Variants in LARGE1 observed in about 807,000 individuals in gnomAD.
LARGE1 encodes the protein LARGE xylosyl- and glucuronyltransferase 1.
In LARGE1, 43 loss-of-function variants were observed where a neutral mutation model predicts 87.6. That is an observed-to-expected ratio of 0.49 (90% CI 0.38 to 0.63). The LOEUF is 0.63. LARGE1 is among the 30% of genes least tolerant of loss of function. The pLI is 0.00. For missense variants in LARGE1, 802 were observed against 1,000.2 expected (o/e 0.80, Z 2.67); for synonymous variants, 434 against 394.6 (o/e 1.10, Z -1.18).
At chr22:33,223,449 G>A (rs1377768868) in intron 11 of LARGE1, among the ~76,000 whole-genome samples, 1 of 152,162 alleles carries the variant, frequency 6.6e-6, no homozygotes, top group Non-Finnish European at 1.5e-5. Context: ...GGCTGATTGG[G>A]ATAGAACCAG....
At chr22:33,784,516 C>T (rs1286387696) in intron 1 of LARGE1, among the ~76,000 whole-genome samples, 1 of 152,044 alleles carries the variant, frequency 6.6e-6, no homozygotes, top group African/African-American at 2.4e-5. Flanking sequence ...TTTGAGGGAA[C>T]AAAAATGGAA....
intron 2 of LARGE1, among the ~76,000 whole-genome samples, chr22:33,736,760 C>T (rs1413864671): frequency 2.0e-5 from 3 of 152,190 alleles, no homozygotes; most frequent in Non-Finnish European, 4.4e-5. Flanking sequence ...AATCTCACAG[C>T]TTTAGCTCTG....
At position 33,216,597 on chromosome 22, in the gene LARGE1, C is replaced by CAAA. The variant is rs71673655; in HGVS notation, c.1731-49768_1731-49766dup. 4.9e-3 allele frequency among the ~76,000 whole-genome samples: 601 copies of CAAA among 122,570 alleles called. 14 individuals carry two copies. The highest frequency in any genetic ancestry group is 0.017 in the African/African-American group (545 of 31,752). 80.4% of individuals were successfully genotyped at this position (122,570 alleles called of 152,430 possible). On this transcript the variant is annotated intron_variant, in intron 11 of 11. Transcript: ENST00000608642. Reference sequence around the variant, plus strand: ...TGGGCGACAGCGTGACACTCCATCTCAAAAAAAAAAAAAAAGAAAAGAAAA... The same window carrying CAAA: ...TGGGCGACAGCGTGACACTCCATCTCAAAAAAAAAAAAAAAAAAGAAAAGAAAA...
At chr22:33,232,561 T>C (rs1455851415) in intron 11 of LARGE1, among the ~76,000 whole-genome samples, 1 of 152,220 alleles carries the variant, frequency 6.6e-6, no homozygotes, top group African/African-American at 2.4e-5. Context: ...TTAAAATAAG[T>C]ATTTTCTTCC....
chr22:33,784,900 GTATAT>G (rs146608642), intron 1 of LARGE1, among the ~76,000 whole-genome samples: 11,832 of 145,258 alleles, frequency 0.081, 565 homozygotes, highest in South Asian at 0.22. Flanking sequence ...TATATATACT[GTATAT>G]TATATGTGTG....
intron 3 of LARGE1, among the ~76,000 whole-genome samples, chr22:33,639,959 C>G (rs1251222747): frequency 1.3e-5 from 2 of 152,186 alleles, no homozygotes; most frequent in Admixed American, 6.5e-5. Context: ...TTCCTATCAC[C>G]AGATAGCTCA....
chr22:33,863,794 G>C (rs1284121944), intron 1 of LARGE1, among the ~76,000 whole-genome samples: 3 of 151,692 alleles, frequency 2.0e-5, no homozygotes. Context: ...AAAGGAGATA[G>C]GAGTACTTTT....
At chr22:33,296,134 A>T (rs1458659797) in intron 12 of LARGE1, among the ~76,000 whole-genome samples, 1 of 152,208 alleles carries the variant, frequency 6.6e-6, no homozygotes, top group Non-Finnish European at 1.5e-5. Context: ...TAATAGCTAA[A>T]CGTTGTAGAG....
chr22:33,154,180 A>AC, the LARGE1 span, among the ~76,000 whole-genome samples: 260 of 152,158 alleles, frequency 1.7e-3, 2 homozygotes, highest in African/African-American at 5.7e-3. Flanking sequence ...AAAAAAAAAA[A>AC]AAAGTAAACT....
At chr22:33,499,782 T>C (rs890738508) in intron 6 of LARGE1, among the ~76,000 whole-genome samples, 4 of 152,204 alleles carry the variant, frequency 2.6e-5, no homozygotes, top group Non-Finnish European at 4.4e-5. Flanking sequence ...TGTAAATTTT[T>C]TCTTTTTTGA....
At chr22:33,246,416 G>A (rs1176890855) in intron 11 of LARGE1, among the ~76,000 whole-genome samples, 2 of 152,092 alleles carry the variant, frequency 1.3e-5, no homozygotes, top group South Asian at 2.1e-4. Flanking sequence ...GAGGCTGAGC[G>A]GGATGGATCA....
intron 2 of LARGE1, among the ~76,000 whole-genome samples, chr22:33,700,837 T>C (rs2082385718): frequency 6.6e-6 from 1 of 152,110 alleles, no homozygotes; most frequent in South Asian, 2.1e-4. Flanking sequence ...TCTGCAGTAG[T>C]TTAGGTACCT....
intron 2 of LARGE1, among the ~76,000 whole-genome samples, chr22:33,688,944 C>A (rs573774882): frequency 1.3e-5 from 2 of 152,304 alleles, no homozygotes; most frequent in East Asian, 3.9e-4. Flanking sequence ...TGACCTCCCC[C>A]AGCACTGGCC....
At chr22:33,664,260 T>G (rs2081207956) in intron 2 of LARGE1, among the ~76,000 whole-genome samples, 1 of 152,198 alleles carries the variant, frequency 6.6e-6, no homozygotes, top group Admixed American at 6.5e-5. Context: ...ACCACAGCCT[T>G]GGATTTCCAC....
In LARGE1 at chr22:33,830,579, G is replaced by C. The variant is rs2062936356; in HGVS notation, c.-82-69021C>G. ...CAAGGGTGAAATGAGGATGCAACAA[G>C]TATCTAACTCCTACGGTTACTGTGA... is the stretch of plus-strand genomic sequence containing the variant. On this transcript the variant is annotated intron_variant, in intron 1 of 14. Transcript: ENST00000397394. 2.0e-5 allele frequency among the ~76,000 whole-genome samples: 3 copies of C among 152,198 alleles called. No homozygotes were observed. The South Asian group carries it at 6.2e-4, about 32-fold the overall frequency.
chr22:33,690,509 C>A (rs2082069088), intron 2 of LARGE1, among the ~76,000 whole-genome samples: 2 of 152,116 alleles, frequency 1.3e-5, no homozygotes, highest in South Asian at 4.2e-4. Flanking sequence ...CAAAGATCAA[C>A]AGGAGGTGGA....
At chr22:33,893,491 G>T (rs746751911) in intron 1 of LARGE1, among the ~76,000 whole-genome samples, 1 of 152,122 alleles carries the variant, frequency 6.6e-6, no homozygotes, top group African/African-American at 2.4e-5. Context: ...TCAGATAAAC[G>T]CACAGCATAT....
chr22:33,922,099 G>C (rs891393648), upstream of LARGE1, among the ~76,000 whole-genome samples: 1 of 152,116 alleles, frequency 6.6e-6, no homozygotes, highest in Admixed American at 6.5e-5. Flanking sequence ...GGGCCGCCGG[G>C]TCTTTGCCTT....
chr22:33,190,145 CA>C (rs746148315), intron 11 of LARGE1, among the ~76,000 whole-genome samples: 85 of 150,480 alleles, frequency 5.6e-4, no homozygotes, highest in Non-Finnish European at 8.3e-4. Flanking sequence ...ATAAACAAAA[CA>C]TTTTTTTTTT....
Sources: allele counts gnomAD v4.1 joint callset (sites outside exome capture counted in the v4.1 genomes callset), GRCh38; gene constraint gnomAD v4.1.1; transcripts MANE v1.5; gene names NCBI Gene and HGNC (gene_info 2026-07-23, HGNC 2026-07-21).